The following ARHGEF12 variants were observed in gnomAD, a reference collection of about 807,000 sequenced individuals.
ARHGEF12 encodes KMT2A/ARHGEF12 fusion protein.
ARHGEF12 carries 66 observed loss-of-function variants against 211.2 expected under a neutral mutation model. The observed-to-expected ratio is 0.31, with a 90% confidence interval of 0.26 to 0.38. The LOEUF is 0.38. ARHGEF12 is among the 10% of genes least tolerant of loss of function. The probability of loss-of-function intolerance (pLI) is 1.00; values close to 1 mark genes in which losing one functional copy is unlikely to be tolerated. For missense variants in ARHGEF12, 1,429 were observed against 1,869.5 expected (o/e 0.76, Z 4.34); for synonymous variants, 592 against 638.4 (o/e 0.93, Z 1.09).
Position 120,486,680 on chromosome 11 carries a change from G to C in ARHGEF12, c.*1603G>C, listed in dbSNP as rs1423510715. ...CCCTCTGAACTCTGTGGGTTGCTAGGATGTAATTTTAATGCTTCCCTGCAG... is the reference window on the plus strand; with the variant it reads ...CCCTCTGAACTCTGTGGGTTGCTAGCATGTAATTTTAATGCTTCCCTGCAG... On this transcript the variant is annotated 3_prime_UTR_variant, in exon 41 of 41. Coordinates refer to ENST00000397843, the MANE Select transcript of ARHGEF12 (RefSeq NM_015313.3). 9.0e-6 allele frequency: 2 copies of C among 222,212 alleles called. No homozygotes were observed. The highest frequency in any genetic ancestry group is 1.1e-4 in the Admixed American group (2 of 17,442). The allele number at this position is 222,212 out of a possible 1,614,324, so 13.8% of individuals were successfully genotyped here. A position where few individuals can be genotyped will look rare whatever the true frequency, so the allele number is the denominator to read the frequency against.
At chr11:120,391,290 G>T (rs551755957) in intron 1 of ARHGEF12, among the ~76,000 whole-genome samples, 1 of 152,036 alleles carries the variant, frequency 6.6e-6, no homozygotes, top group Admixed American at 6.5e-5. Context: ...TAAGAATTAA[G>T]AAACCTTTGT....
intron 1 of ARHGEF12, among the ~76,000 whole-genome samples, chr11:120,348,550 G>A (rs1019136138): frequency 6.6e-6 from 1 of 152,276 alleles, no homozygotes; most frequent in Admixed American, 6.5e-5. Flanking sequence ...TAAAATTACC[G>A]TTAGGCGGGG....
chr11:120,452,398 C>T (rs944604633), intron 22 of ARHGEF12, among the ~76,000 whole-genome samples: 9 of 152,258 alleles, frequency 5.9e-5, no homozygotes, highest in Middle Eastern at 3.4e-3. Flanking sequence ...ACCATGTCTT[C>T]ATCCTTGTTT....
intron 30 of ARHGEF12, among the ~76,000 whole-genome samples, chr11:120,470,235 TGAA>T (rs1946829358): frequency 2.0e-5 from 3 of 152,182 alleles, no homozygotes; most frequent in African/African-American, 7.2e-5. Flanking sequence ...GAGAATGAGT[TGAA>T]GAAGGGTGGT....
chr11:120,447,907 GTAACA>G lies in ARHGEF12; in HGVS notation c.1622+6_1622+10del, dbSNP rs1181996342. On this transcript the variant is annotated splice_donor_variant and splice_donor_5th_base_variant and intron_variant, in intron 19 of 40. Coordinates refer to ENST00000397843, the MANE Select transcript of ARHGEF12 (RefSeq NM_015313.3). LOFTEE classifies it high-confidence loss of function. ...CTCAGGCTGTAGAGGAAGATAAGAG[GTAACA>G]TAACTGTTTTTTTTCCCCTAGAATT... 6 of 1,562,054 alleles carry G rather than the reference GTAACA, an allele frequency of 3.8e-6. No individual in the cohort carries two copies. The highest frequency in any genetic ancestry group is 5.2e-6 in the Non-Finnish European group (6 of 1,160,676).
intron 1 of ARHGEF12, among the ~76,000 whole-genome samples, chr11:120,358,111 A>G (rs1422984496): frequency 1.3e-5 from 2 of 152,132 alleles, no homozygotes; most frequent in African/African-American, 4.8e-5. Context: ...AGTAAGCGTT[A>G]TGTTATAAAA....
Position 120,431,795 on chromosome 11 carries a change from A to G in ARHGEF12, c.808A>G (p.Arg270Gly), listed in dbSNP as rs201353944. 1.9e-6 allele frequency: 3 copies of G among 1,612,422 alleles called. No homozygotes were observed. In the African/African-American group the frequency reaches 4.0e-5, roughly 22 times the overall value. Reference protein sequence around the residue: ...AQDGAVVTPSRPLGDTLTVSE... With the variant: ...AQDGAVVTPSGPLGDTLTVSE... ...GGATGGAGCTGTAGTTACACCCTCC[A>G]GACCTTTAGGGGACACCCTAACAGT... The change falls in exon 11 of 41, where the codon AGA (arginine) becomes GGA (glycine). Residue 270 changes from arginine (R) to glycine (G), a missense_variant. Physicochemically the swap from Arg to Gly is moderately radical, Grantham distance 125. Coordinates refer to ENST00000397843, the MANE Select transcript of ARHGEF12 (RefSeq NM_015313.3).
chr11:120,445,325 G>A (rs1404313552), intron 15 of ARHGEF12, 97 bp from the exon 16 acceptor site: 1 of 1,120,868 alleles, frequency 8.9e-7, no homozygotes, highest in Non-Finnish European at 1.4e-6. Flanking sequence ...TTGTAGAGTG[G>A]GTATCCAAGT....
chr11:120,369,125 CT>C lies in ARHGEF12; in HGVS notation c.32+31869del, dbSNP rs1183494101. Among the ~76,000 whole-genome samples, 1,250 of 127,292 alleles carry C rather than the reference CT, an allele frequency of 9.8e-3. 5 individuals are homozygous for C. Among genetic ancestry groups the C allele is most frequent in the African/African-American group, 0.028 (970 of 34,702 alleles). 83.5% of individuals were successfully genotyped at this position (127,292 alleles called of 152,430 possible). A position where few individuals can be genotyped will look rare whatever the true frequency, so the allele number is the denominator to read the frequency against. ...CTATATTCTCAAATCTTCTTTTCTTCTTTTTTTTTTTTTTTTTTTCTGTGAC... is the reference window on the plus strand; with the variant it reads ...CTATATTCTCAAATCTTCTTTTCTTCTTTTTTTTTTTTTTTTTTCTGTGAC... On this transcript the variant is annotated intron_variant, in intron 1 of 40. Transcript: ENST00000397843.
At position 120,337,263 on chromosome 11, in the gene ARHGEF12, C is replaced by G. The variant is rs1334983943; in HGVS notation, c.20C>G (p.Thr7Ser). The change falls in exon 1 of 41, where the codon ACT becomes AGT. Residue 7 changes from threonine (T) to serine (S), a missense_variant. Thr to Ser is a moderately conservative substitution (Grantham distance 58, BLOSUM62 1). Around this residue, in one of 7 missense-constraint regions of ARHGEF12, gnomAD observed 41 missense variants for 48.6 expected, o/e 0.84. Coordinates refer to ENST00000397843, the MANE Select transcript of ARHGEF12 (RefSeq NM_015313.3). MSGTQS[T>S]ITDRFPLKKP... Reference sequence around the variant, plus strand: ...GCCCCAATGAGTGGCACACAGTCTACTATCACCGACAGGTTGGTATGAATT... The same window carrying G: ...GCCCCAATGAGTGGCACACAGTCTAGTATCACCGACAGGTTGGTATGAATT... The G allele has an allele frequency of 6.2e-7, 1 of 1,614,204 alleles. No homozygotes were observed. Among genetic ancestry groups the G allele is most frequent in the Admixed American group, 1.7e-5 (1 of 60,030 alleles).
intron 1 of ARHGEF12, among the ~76,000 whole-genome samples, chr11:120,365,101 A>C (rs998882047): frequency 1.3e-5 from 2 of 151,864 alleles, no homozygotes; most frequent in African/African-American, 2.4e-5. Flanking sequence ...CTACTTTTTA[A>C]GTGTTTCTGG....
chr11:120,343,284 A>G (rs1429755563), intron 1 of ARHGEF12, among the ~76,000 whole-genome samples: 1 of 152,160 alleles, frequency 6.6e-6, no homozygotes, highest in Non-Finnish European at 1.5e-5. Context: ...CTTGTTTTGT[A>G]TTTTGCTAAT....
chr11:120,468,915 A>C (rs1464324700), intron 29 of ARHGEF12, among the ~76,000 whole-genome samples: 1 of 152,218 alleles, frequency 6.6e-6, no homozygotes, highest in Non-Finnish European at 1.5e-5. Context: ...TAGGCTATGC[A>C]CTGTGAAATT....
Position 120,481,460 on chromosome 11 carries a change from T to G in ARHGEF12, c.4438T>G (p.Trp1480Gly), listed in dbSNP as rs753533555. ...CCCCGAATTTCTGGTCCAGCAGCGC[T>G]GGGGAGCTATGGAGTATTCCTGTTT... is the stretch of plus-strand genomic sequence containing the variant. Reference protein sequence around the residue: ...FTPEFLVQQRWGAMEYSCFEI... With the variant: ...FTPEFLVQQRGGAMEYSCFEI... The change falls in exon 39 of 41, where the codon TGG becomes GGG. Residue 1480 changes from tryptophan to glycine, a missense_variant. By Grantham distance (184) the Trp-to-Gly change is radical. Around this residue, in one of 7 missense-constraint regions of ARHGEF12, gnomAD observed 467 missense variants for 468.4 expected, o/e 1.00. Coordinates refer to ENST00000397843, the MANE Select transcript of ARHGEF12 (RefSeq NM_015313.3). The G allele has an allele frequency of 6.2e-7, 1 of 1,614,222 alleles. No individual in the cohort carries two copies. Among genetic ancestry groups the G allele is most frequent in the Non-Finnish European group, 8.5e-7 (1 of 1,180,042 alleles).
At chr11:120,474,729 T>C (rs1946978840) in intron 32 of ARHGEF12, 94 bp downstream of exon 32, 2 of 943,466 alleles carry the variant, frequency 2.1e-6, no homozygotes, top group Non-Finnish European at 1.6e-6. Context: ...AGAGAACCAT[T>C]CTCTCAGCAG....
chr11:120,428,308 A>G, intron 8 of ARHGEF12, 61 bp downstream of exon 8: 2 of 1,354,922 alleles, frequency 1.5e-6, no homozygotes, highest in Non-Finnish European at 1.9e-6. Context: ...TTTACTTTAT[A>G]TGGAGAGTTT....
chr11:120,478,503 G>A (rs1296704662), intron 37 of ARHGEF12, 114 bp downstream of exon 37: 32 of 1,027,536 alleles, frequency 3.1e-5, no homozygotes, highest in Non-Finnish European at 2.9e-6. Flanking sequence ...CTATTGTGGA[G>A]ATTATAGTAT....
chr11:120,458,307 T>G (rs1022411065), intron 25 of ARHGEF12, 73 bp downstream of exon 25: 1 of 1,565,708 alleles, frequency 6.4e-7, no homozygotes, highest in Non-Finnish European at 8.7e-7. Context: ...TCTCTCAGCC[T>G]TGGAGTTTGC....
At chr11:120,339,017 T>TC (rs1942448273) in intron 1 of ARHGEF12, among the ~76,000 whole-genome samples, 1 of 150,058 alleles carries the variant, frequency 6.7e-6, no homozygotes, top group African/African-American at 2.4e-5. Context: ...TTTTTTTTTT[T>TC]TTTTTTGGCC....
Sources: allele counts gnomAD v4.1 joint callset (sites outside exome capture counted in the v4.1 genomes callset), GRCh38; gene constraint gnomAD v4.1.1; regional missense constraint gnomAD v4.1.1; transcripts MANE v1.5; gene names NCBI Gene and HGNC (gene_info 2026-07-23, HGNC 2026-07-21).